Variants in IQCH observed in about 807,000 individuals in gnomAD.
IQCH encodes the protein IQ motif containing H, also known as IQ domain-containing protein H.
A neutral mutation model predicts 117.0 loss-of-function variants in IQCH; 98 were observed. The observed-to-expected ratio is 0.84, with a 90% CI of 0.71 to 0.99. The LOEUF is 0.99. Among genes scored for constraint, IQCH ranks in the 50% least tolerant of loss-of-function variants. The probability of loss-of-function intolerance (pLI) is 0.00; values close to 1 mark genes in which losing one functional copy is unlikely to be tolerated. For missense variants in IQCH, 1,102 were observed against 1,243.8 expected (o/e 0.89, Z 1.72); for synonymous variants, 412 against 448.2 (o/e 0.92, Z 1.02).
chr15:67,358,047 C>T (rs905786766), intron 7 of IQCH, among the ~76,000 whole-genome samples: 15 of 150,850 alleles, frequency 9.9e-5, no homozygotes, highest in South Asian at 2.1e-4. Flanking sequence ...TTAGTAGAGA[C>T]GGGGTTTCAC....
intron 16 of IQCH, among the ~76,000 whole-genome samples, chr15:67,429,136 T>A (rs1176420414): frequency 6.6e-6 from 1 of 152,162 alleles, no homozygotes; most frequent in African/African-American, 2.4e-5. Context: ...GCCAGGAAGT[T>A]TGTGGCAATT....
rs368255585 is a variant in IQCH at position 67,467,288 on chromosome 15, T to C, written c.2676+1991T>C. ...TTCAGCACAAGACTTCCAAAGACAATTGCAGCTTTGAAGTATGTTGCTTCA... is the reference window on the plus strand; with the variant it reads ...TTCAGCACAAGACTTCCAAAGACAACTGCAGCTTTGAAGTATGTTGCTTCA... On this transcript the variant is annotated intron_variant, in intron 17 of 20. Transcript: ENST00000335894. This position sits in a 1 kb window ranked among gnomAD's most constrained non-coding sequence, Gnocchi z 5.7. Among the ~76,000 whole-genome samples, 319 of 152,254 alleles carry C rather than the reference T, an allele frequency of 2.1e-3. No homozygotes were observed. The highest frequency in any genetic ancestry group is 7.1e-3 in the South Asian group (34 of 4,816).
intron 4 of IQCH, among the ~76,000 whole-genome samples, chr15:67,324,313 A>G (rs527493026): frequency 1.4e-4 from 22 of 151,854 alleles, no homozygotes; most frequent in Admixed American, 4.6e-4. Flanking sequence ...CAAAAAAAAA[A>G]AAAAAGTCTT....
At chr15:67,437,706 T>G (rs921849899) in intron 16 of IQCH, among the ~76,000 whole-genome samples, 13 of 151,972 alleles carry the variant, frequency 8.6e-5, no homozygotes, top group Admixed American at 3.3e-4. Flanking sequence ...GAAAAAACAA[T>G]CAAGAATACA....
At position 67,370,911 on chromosome 15, in the gene IQCH, T is replaced by C. The variant is rs1970504191; in HGVS notation, c.754-1200T>C. ...AAAAGAAAACGCGTGAATAATCTGA[T>C]ATAGTAATACTCAACACAGTGCTGT... On this transcript the variant is annotated intron_variant, in intron 8 of 20. Coordinates refer to ENST00000335894, the MANE Select transcript of IQCH (RefSeq NM_001031715.3). The surrounding 1 kb of genome is among the most constrained non-coding windows in gnomAD (Gnocchi z 5.6). 1.3e-5 allele frequency among the ~76,000 whole-genome samples: 2 copies of C among 149,588 alleles called. No homozygotes were observed. The highest frequency in any genetic ancestry group is 6.6e-5 in the Admixed American group (1 of 15,084).
chr15:67,352,373 G>A (rs1454659837), intron 6 of IQCH, among the ~76,000 whole-genome samples: 1 of 151,510 alleles, frequency 6.6e-6, no homozygotes, highest in African/African-American at 2.4e-5. Flanking sequence ...TGTTATATTA[G>A]CCAACAGATT....
chr15:67,498,747 C>T (rs1484194315), intron 20 of IQCH, among the ~76,000 whole-genome samples: 1 of 152,088 alleles, frequency 6.6e-6, no homozygotes, highest in East Asian at 1.9e-4. Context: ...GACATGGTGC[C>T]TAAAGCACAA....
chr15:67,351,846 C>CT (rs1188259874), intron 6 of IQCH, among the ~76,000 whole-genome samples: 1 of 151,788 alleles, frequency 6.6e-6, no homozygotes, highest in African/African-American at 2.4e-5. Context: ...TACTTTTAAT[C>CT]TTTCTGTAGC....
At position 67,433,502 on chromosome 15, in the gene IQCH, G is replaced by A. The variant is rs1469095224; in HGVS notation, c.2505+11925G>A. ...TCTTGGGTAGGATTTTGGTTGATCT[G>A]CATATAACGGACCTAATTCCTCTGT... On this transcript the variant is annotated intron_variant, in intron 16 of 20. Coordinates refer to ENST00000335894, the MANE Select transcript of IQCH (RefSeq NM_001031715.3). This position sits in a 1 kb window ranked among gnomAD's most constrained non-coding sequence, Gnocchi z 5.4. Among the ~76,000 whole-genome samples the A allele has an allele frequency of 6.6e-6, 1 of 152,186 alleles. No homozygotes were observed. Among genetic ancestry groups the A allele is most frequent in the African/African-American group, 2.4e-5 (1 of 41,440 alleles).
intron 4 of IQCH, among the ~76,000 whole-genome samples, chr15:67,317,114 G>A (rs913956224): frequency 4.6e-5 from 7 of 152,178 alleles, no homozygotes; most frequent in Non-Finnish European, 4.4e-5. Context: ...TTGTCAGAAT[G>A]CCATATAAAT....
rs950876993 is a variant in IQCH, at chr15:67,421,339, C to G, written c.2267C>G (p.Thr756Arg). ...FPPADNVTNL[T>R]VDMLIEPNGK... is the part of the protein sequence containing the mutation. ...CCTGCAGACAATGTCACCAACCTCA[C>G]AGTGGACATGCTGATAGAGCCCAAC... The change falls in exon 16 of 21, where the codon ACA (threonine) becomes AGA (arginine). Residue 756 changes from threonine to arginine, a missense_variant. Thr to Arg is a moderately conservative substitution (Grantham distance 71). Around this residue, in one of 2 missense-constraint regions of IQCH, gnomAD observed 650 missense variants for 794.3 expected, o/e 0.82. Transcript: ENST00000335894. 1 of 1,614,194 alleles carries G rather than the reference C, an allele frequency of 6.2e-7. No individual in the cohort carries two copies. The highest frequency in any genetic ancestry group is 8.5e-7 in the Non-Finnish European group (1 of 1,180,022).
chr15:67,442,344 A>ACCG (rs751025371), intron 16 of IQCH, among the ~76,000 whole-genome samples: 11 of 151,874 alleles, frequency 7.2e-5, no homozygotes, highest in Non-Finnish European at 1.3e-4. Flanking sequence ...CAGGAGGCGG[A>ACCG]GGTTGTGGTG....
chr15:67,397,953 C>A (rs1414476924), intron 13 of IQCH, among the ~76,000 whole-genome samples: 1 of 152,060 alleles, frequency 6.6e-6, no homozygotes, highest in Non-Finnish European at 1.5e-5. Context: ...GTTAAATAAT[C>A]AAAAATGGAG....
At position 67,466,783 on chromosome 15, in the gene IQCH, T is replaced by G. The variant is rs1240932579; in HGVS notation, c.2676+1486T>G. 1 of 152,372 alleles carries G rather than the reference T, an allele frequency of 6.6e-6. No homozygotes were observed. Among genetic ancestry groups the G allele is most frequent in the Admixed American group, 6.5e-5 (1 of 15,282 alleles). The allele number at this position is 152,372 out of a possible 1,614,324, so 9.4% of individuals were successfully genotyped here. ...CTCTTTTAATTATGACCCAGGACCTTGCTAAGAGGCTTTCAGGTCCATCTC... is the reference window on the plus strand; with the variant it reads ...CTCTTTTAATTATGACCCAGGACCTGGCTAAGAGGCTTTCAGGTCCATCTC... On this transcript the variant is annotated intron_variant, in intron 17 of 20. Coordinates refer to ENST00000335894, the MANE Select transcript of IQCH (RefSeq NM_001031715.3). The surrounding 1 kb of genome is among the most constrained non-coding windows in gnomAD (Gnocchi z 4.4).
intron 6 of IQCH, among the ~76,000 whole-genome samples, chr15:67,346,487 G>A (rs893570919): frequency 1.3e-5 from 2 of 152,174 alleles, no homozygotes; most frequent in Non-Finnish European, 2.9e-5. Flanking sequence ...ATGCAGCCTA[G>A]ATCCCTCATA....
intron 14 of IQCH, among the ~76,000 whole-genome samples, 186 bp downstream of exon 14, chr15:67,400,491 C>CTTTTCTTTTTCTTT (rs776111763): frequency 2.6e-5 from 3 of 115,600 alleles, no homozygotes; most frequent in African/African-American, 6.3e-5. Flanking sequence ...TCTTTTTTTT[C>CTTTTCTTTTTCTTT]TTTTTTTTTT....
intron 4 of IQCH, 152 bp downstream of exon 4, chr15:67,279,664 C>G (rs1180694945): frequency 1.9e-6 from 1 of 520,608 alleles, no homozygotes; most frequent in Non-Finnish European, 3.4e-6. Context: ...GATGATTGCA[C>G]TACTCTGTGA....
At chr15:67,421,684 TTCTC>T (rs2081746877) in intron 16 of IQCH, 107 bp downstream of exon 16, 10 of 1,137,702 alleles carry the variant, frequency 8.8e-6, no homozygotes, top group Non-Finnish European at 1.3e-5. Context: ...AATGCACTGA[TTCTC>T]TGATGAACTT....
chr15:67,490,019 TTTTTA>T lies in IQCH; in HGVS notation c.2818_2822del (p.Phe940IlefsTer3), dbSNP rs1307393661. On this transcript the variant is annotated frameshift_variant, in exon 19 of 21. Coordinates refer to ENST00000335894, the MANE Select transcript of IQCH (RefSeq NM_001031715.3). LOFTEE classifies it high-confidence loss of function. This position sits in a 1 kb window ranked among gnomAD's most constrained non-coding sequence, Gnocchi z 4.9. ...ATTTTACAGGAAAGGCAAGGAACTG[TTTTTA>T]TATTATATGAGCACCTGAAGAGACA... 6.2e-7 allele frequency: 1 copy of T among 1,610,598 alleles called. No individual in the cohort carries two copies. The highest frequency in any genetic ancestry group is 8.5e-7 in the Non-Finnish European group (1 of 1,177,116).
Sources: gnomAD v4.1 joint callset for allele counts (sites outside exome capture counted in the v4.1 genomes callset) on GRCh38, gnomAD v4.1.1 for gene constraint, gnomAD v4.1.1 regional missense constraint, Gnocchi (gnomAD v3.1) non-coding constraint, MANE v1.5 for transcripts, NCBI Gene and HGNC (gene_info 2026-07-23, HGNC 2026-07-21) for gene names.